CSMD1: variants seen among roughly 807,000 people sequenced by gnomAD.
CSMD1 encodes CUB and Sushi multiple domains 1.
CSMD1 carries 213 observed loss-of-function variants against 417.5 expected under a neutral mutation model. The ratio of observed to expected loss-of-function variants is 0.51; its 90% CI spans 0.46 to 0.57. CSMD1 has a LOEUF of 0.57. Among genes scored for constraint, CSMD1 ranks in the 20% least tolerant of loss-of-function variants. CSMD1 has a pLI of 0.00. For missense variants in CSMD1, 6,923 were observed against 4,529.7 expected (o/e 1.53, Z -15.17); for synonymous variants, 2,862 against 1,736.8 (o/e 1.65, Z -16.11).
chr8:4,265,071 C>G (rs1237532175), intron 3 of CSMD1, among the ~76,000 whole-genome samples: 2 of 152,106 alleles, frequency 1.3e-5, no homozygotes, highest in South Asian at 2.1e-4. Context: ...AAGGCTGCTC[C>G]TTATATAGAA....
At chr8:4,006,879 G>A (rs1026589728) in intron 4 of CSMD1, among the ~76,000 whole-genome samples, 4 of 140,832 alleles carry the variant, frequency 2.8e-5, no homozygotes, top group African/African-American at 8.1e-5. Context: ...CCAGGCTGGA[G>A]TGCAGTGGCG....
At chr8:4,209,002 T>C (rs1038041848) in intron 3 of CSMD1, among the ~76,000 whole-genome samples, 10 of 152,244 alleles carry the variant, frequency 6.6e-5, no homozygotes, top group Non-Finnish European at 1.2e-4. Context: ...TTTCTGCTTA[T>C]GCCGTGAACC....
rs114139025 is a variant in CSMD1, at chr8:4,342,082, G to A, written c.415+77871C>T. Among the ~76,000 whole-genome samples the A allele has an allele frequency of 4.1e-3, 624 of 152,108 alleles. 1 individual carries two copies. The highest frequency in any genetic ancestry group is 0.014 in the African/African-American group (569 of 41,518). ...CTGAAGATCCTGCAGTTCAAGTAGC[G>A]CAAGCCATCTCTATGTTTCCATGGT... On this transcript the variant is annotated intron_variant, in intron 3 of 69. Transcript: ENST00000635120.
intron 3 of CSMD1, among the ~76,000 whole-genome samples, chr8:4,072,481 G>A (rs1022640788): frequency 1.3e-5 from 2 of 152,120 alleles, no homozygotes; most frequent in Non-Finnish European, 2.9e-5. Flanking sequence ...TTGTAGTGAA[G>A]GGAATTGTGA....
At chr8:3,478,829 A>G (rs556700178) in intron 11 of CSMD1, among the ~76,000 whole-genome samples, 1 of 152,250 alleles carries the variant, frequency 6.6e-6, no homozygotes, top group East Asian at 1.9e-4. Flanking sequence ...AGAAGGCAGA[A>G]CCTGCAAGAG....
At position 4,451,050 on chromosome 8, in the gene CSMD1, G is replaced by T. The variant is rs138830259; in HGVS notation, c.303-30985C>A. Among the ~76,000 whole-genome samples the T allele has an allele frequency of 5.8e-3, 880 of 152,230 alleles. 3 individuals carry two copies. The highest frequency in any genetic ancestry group is 0.017 in the Middle Eastern group (5 of 294). On this transcript the variant is annotated intron_variant, in intron 2 of 69. Transcript: ENST00000635120. ...AAAAAAATGGAATTTAGTGAATTCT[G>T]CACTGCTCATTCAATAAGTCAGTCA...
At chr8:4,544,892 T>C (rs953924943) in intron 2 of CSMD1, among the ~76,000 whole-genome samples, 2 of 152,224 alleles carry the variant, frequency 1.3e-5, no homozygotes, top group African/African-American at 4.8e-5. Flanking sequence ...CTCCATCACA[T>C]TGGTCTTTAA....
chr8:4,417,614 T>A (rs1469571004), intron 3 of CSMD1, among the ~76,000 whole-genome samples: 6 of 152,076 alleles, frequency 3.9e-5, no homozygotes, highest in Non-Finnish European at 7.4e-5. Context: ...TATTTTATTC[T>A]ATTATTTGAC....
At chr8:4,493,338 A>C (rs941662664) in intron 2 of CSMD1, among the ~76,000 whole-genome samples, 6 of 152,154 alleles carry the variant, frequency 3.9e-5, no homozygotes, top group Middle Eastern at 6.3e-3. Context: ...GTTCACTCTT[A>C]ACTAGGCACC....
At chr8:4,126,760 C>T (rs1215745300) in intron 3 of CSMD1, among the ~76,000 whole-genome samples, 1 of 152,190 alleles carries the variant, frequency 6.6e-6, no homozygotes, top group Non-Finnish European at 1.5e-5. Context: ...AAACATACAA[C>T]TCTTTTCTCA....
At chr8:3,044,805 T>G (rs1811330071) in intron 50 of CSMD1, among the ~76,000 whole-genome samples, 1 of 152,220 alleles carries the variant, frequency 6.6e-6, no homozygotes, top group South Asian at 2.1e-4. Flanking sequence ...GCTGAAGTAT[T>G]TATCTCTTGA....
chr8:4,671,709 G>A (rs963466109), intron 1 of CSMD1, among the ~76,000 whole-genome samples: 1 of 152,166 alleles, frequency 6.6e-6, no homozygotes, highest in South Asian at 2.1e-4. Flanking sequence ...TCAAAATATG[G>A]GTCAGAAAGT....
chr8:3,271,324 A>T (rs13249501), intron 26 of CSMD1, among the ~76,000 whole-genome samples: 40,520 of 151,190 alleles, frequency 0.27, 5,689 homozygotes, highest in African/African-American at 0.34. Context: ...AATCCAGTCT[A>T]TCATTGTTGG....
chr8:4,225,804 C>T (rs946416466), intron 3 of CSMD1, among the ~76,000 whole-genome samples: 2 of 152,156 alleles, frequency 1.3e-5, no homozygotes, highest in East Asian at 3.9e-4. Context: ...TATTTTATTG[C>T]ATGACATTCT....
intron 3 of CSMD1, among the ~76,000 whole-genome samples, chr8:4,187,879 C>G (rs1252166663): frequency 6.6e-6 from 1 of 151,948 alleles, no homozygotes; most frequent in Non-Finnish European, 1.5e-5. Flanking sequence ...TTCTCTCAGG[C>G]CATGGCAGCA....
chr8:3,655,370 T>G (rs1798048527), intron 7 of CSMD1, among the ~76,000 whole-genome samples: 1 of 152,244 alleles, frequency 6.6e-6, no homozygotes, highest in African/African-American at 2.4e-5. Context: ...TTGGCAGTGA[T>G]TTTCATTTTT....
chr8:2,965,863 G>T lies in CSMD1; in HGVS notation c.9192C>A (p.Asn3064Lys). The T allele has an allele frequency of 6.2e-7, 1 of 1,610,066 alleles. No homozygotes were observed. Among genetic ancestry groups the T allele is most frequent in the Non-Finnish European group, 8.5e-7 (1 of 1,178,170 alleles). The change falls in exon 59 of 70, where the codon AAC (asparagine) becomes AAA (lysine). Residue 3064 changes from asparagine (N) to lysine (K), a missense_variant. Transcript: ENST00000635120. ...TFNKTVSYQC[N>K]PGYVMEAVTS... ...TGACTGCTTCCATGACATAGCCTGG[G>T]TTACACTGATAGCTCACAGTCTTGT...
chr8:4,981,812 A>G (rs1017870117), intron 1 of CSMD1, among the ~76,000 whole-genome samples: 1 of 152,114 alleles, frequency 6.6e-6, no homozygotes, highest in African/African-American at 2.4e-5. Context: ...GTGATAGGCT[A>G]CATGTGATTA....
chr8:3,676,873 A>T (rs753477138), intron 7 of CSMD1, among the ~76,000 whole-genome samples: 144 of 152,260 alleles, frequency 9.5e-4, no homozygotes, highest in Non-Finnish European at 1.8e-3. Context: ...TGAAGCTGGA[A>T]ACCATCATTC....
Sources: gnomAD v4.1 joint callset for allele counts (sites outside exome capture counted in the v4.1 genomes callset) on GRCh38, gnomAD v4.1.1 for gene constraint, MANE v1.5 for transcripts, NCBI Gene and HGNC (gene_info 2026-07-23, HGNC 2026-07-21) for gene names.